SORCS2: variants seen among roughly 807,000 people sequenced by gnomAD.
The protein encoded by SORCS2 is VPS10 domain-containing receptor SorCS2.
In SORCS2, 100 loss-of-function variants were observed where a neutral mutation model predicts 141.6. The ratio of observed to expected loss-of-function variants is 0.71; its 90% CI spans 0.60 to 0.83. SORCS2 has a LOEUF of 0.83. Ranked by LOEUF, SORCS2 falls within the 40% of genes least tolerant of loss-of-function variation. The probability of loss-of-function intolerance (pLI) is 0.00; values close to 1 mark genes in which losing one functional copy is unlikely to be tolerated. For missense variants in SORCS2, 1,646 were observed against 1,560.2 expected, an observed-to-expected ratio of 1.05 and a Z score of -0.93; for synonymous variants, 789 against 676.9, an observed-to-expected ratio of 1.17 and a Z score of -2.57.
chr4:7,222,182 G>A (rs1466065606), intron 1 of SORCS2, among the ~76,000 whole-genome samples: 3 of 152,154 alleles, frequency 2.0e-5, no homozygotes, highest in Non-Finnish European at 2.9e-5. Flanking sequence ...CCAGAGAGAC[G>A]AAAACCCGTG....
At chr4:7,295,555 G>C (rs1223190637) in intron 1 of SORCS2, among the ~76,000 whole-genome samples, 1 of 152,158 alleles carries the variant, frequency 6.6e-6, no homozygotes, top group Non-Finnish European at 1.5e-5. Context: ...CCTTGCCCAG[G>C]GTCCGTGGAT....
At chr4:7,394,343 C>G (rs758509251) in intron 1 of SORCS2, among the ~76,000 whole-genome samples, 9 of 151,752 alleles carry the variant, frequency 5.9e-5, no homozygotes, top group Non-Finnish European at 8.8e-5. Flanking sequence ...AACAGTTTAT[C>G]CCTCAGCAGT....
At chr4:7,472,835 G>A (rs1032550549) in intron 2 of SORCS2, among the ~76,000 whole-genome samples, 4 of 152,004 alleles carry the variant, frequency 2.6e-5, no homozygotes, top group Non-Finnish European at 2.9e-5. Context: ...GGGCGAGGGC[G>A]GAATTAACAG....
intron 8 of SORCS2, among the ~76,000 whole-genome samples, chr4:7,675,543 G>A (rs1455046926): frequency 6.6e-6 from 1 of 152,208 alleles, no homozygotes; most frequent in Non-Finnish European, 1.5e-5. Flanking sequence ...TGCACTCAGG[G>A]CCTTTCTAGG....
intron 26 of SORCS2, among the ~76,000 whole-genome samples, chr4:7,738,110 G>A (rs139973530): frequency 1.5e-3 from 223 of 152,358 alleles, no homozygotes; most frequent in African/African-American, 3.1e-3. Flanking sequence ...GAGGGGACAC[G>A]GACTGCATCC....
In SORCS2 at chr4:7,453,958, G is replaced by T. The variant is rs987658015; in HGVS notation, c.548+57603G>T. Among the ~76,000 whole-genome samples the T allele has an allele frequency of 5.5e-5, 6 of 109,846 alleles. 1 individual carries two copies. The highest frequency in any genetic ancestry group is 9.9e-5 in the Non-Finnish European group (5 of 50,694). 72.1% of individuals were successfully genotyped at this position (109,846 alleles called of 152,430 possible). On this transcript the variant is annotated intron_variant, in intron 2 of 26. Transcript: ENST00000507866. Reference sequence around the variant, plus strand: ...TGTTGGGGTCAGGAGCTGTGTGTTGGGGTCAGGTGCTGTGTGTTGGGGTCA... The same window carrying T: ...TGTTGGGGTCAGGAGCTGTGTGTTGTGGTCAGGTGCTGTGTGTTGGGGTCA...
chr4:7,362,755 C>G (rs1721654250), intron 1 of SORCS2, among the ~76,000 whole-genome samples: 1 of 151,892 alleles, frequency 6.6e-6, no homozygotes, highest in Non-Finnish European at 1.5e-5. Flanking sequence ...ACTAACATCA[C>G]CACCTCCACC....
At chr4:7,545,741 C>T (rs1442249809) in intron 3 of SORCS2, among the ~76,000 whole-genome samples, 3 of 152,218 alleles carry the variant, frequency 2.0e-5, no homozygotes, top group Non-Finnish European at 2.9e-5. Flanking sequence ...ACCTGCCTGC[C>T]TTTCTGTGAT....
chr4:7,218,012 G>A (rs1482638244), intron 1 of SORCS2, among the ~76,000 whole-genome samples: 10 of 152,140 alleles, frequency 6.6e-5, no homozygotes, highest in Admixed American at 6.5e-4. Flanking sequence ...CTGTGGCCGG[G>A]CTTCCCCAGG....
chr4:7,471,970 T>C (rs1382959947), intron 2 of SORCS2, among the ~76,000 whole-genome samples: 1 of 152,206 alleles, frequency 6.6e-6, no homozygotes, highest in Non-Finnish European at 1.5e-5. Flanking sequence ...GGCCTCCCTC[T>C]GGAGAAAGGC....
intron 1 of SORCS2, among the ~76,000 whole-genome samples, chr4:7,218,821 C>A (rs16839840): frequency 2.6e-5 from 4 of 152,082 alleles, no homozygotes; most frequent in African/African-American, 9.7e-5. Context: ...AGTTCATGTC[C>A]GGGAAATGCT....
At chr4:7,387,542 CAT>C (rs1491124315) in intron 1 of SORCS2, among the ~76,000 whole-genome samples, 118 of 150,874 alleles carry the variant, frequency 7.8e-4, no homozygotes, top group Non-Finnish European at 1.4e-3. Flanking sequence ...CATGCACACA[CAT>C]GCACATACAC....
chr4:7,478,544 G>A (rs10937821), intron 2 of SORCS2, among the ~76,000 whole-genome samples: 39,774 of 151,946 alleles, frequency 0.26, 5,888 homozygotes, highest in Middle Eastern at 0.38. Flanking sequence ...CATGTTCTCC[G>A]CTGAGTCTCC....
intron 1 of SORCS2, among the ~76,000 whole-genome samples, chr4:7,395,081 A>G (rs1724119950): frequency 1.3e-5 from 2 of 152,368 alleles, no homozygotes; most frequent in South Asian, 2.1e-4. Context: ...TGAGCATGGC[A>G]TAGCCAATCT....
At position 7,718,165 on chromosome 4, in the gene SORCS2, T is replaced by G. The variant is rs749723175; in HGVS notation, c.2406T>G (p.Phe802Leu). The G allele has an allele frequency of 6.2e-7, 1 of 1,610,554 alleles. No homozygotes were observed. The highest frequency in any genetic ancestry group is 8.5e-7 in the Non-Finnish European group (1 of 1,179,144). The change falls in exon 18 of 27, where the codon TTT becomes TTG. Residue 802 changes from phenylalanine to leucine, a missense_variant. Physicochemically the swap from Phe to Leu is conservative, Grantham distance 22. Transcript: ENST00000507866. ...VAVRPGEDVL[F>L]VVRQEQGDVL... ...TGCGGCCTGGAGAGGACGTCCTGTT[T>G]GTGGTGCGGCAGGAGCAGGTGAGTG...
chr4:7,608,720 C>T (rs1718210940), intron 3 of SORCS2, among the ~76,000 whole-genome samples: 1 of 152,220 alleles, frequency 6.6e-6, no homozygotes, highest in African/African-American at 2.4e-5. Context: ...GTGGGCTGCC[C>T]TCCGGTCATG....
At chr4:7,674,925 G>A (rs1157396249) in intron 8 of SORCS2, among the ~76,000 whole-genome samples, 4 of 152,188 alleles carry the variant, frequency 2.6e-5, no homozygotes, top group Non-Finnish European at 4.4e-5. Context: ...CTCCGCAGGT[G>A]GGGCCAGCCG....
At chr4:7,678,562 G>A (rs1331994988) in intron 9 of SORCS2, among the ~76,000 whole-genome samples, 2 of 148,302 alleles carry the variant, frequency 1.3e-5, no homozygotes, top group Admixed American at 1.4e-4. Context: ...CCTGGGGCAG[G>A]AGTCAGGGAG....
chr4:7,337,629 T>G (rs1720069358), intron 1 of SORCS2, among the ~76,000 whole-genome samples: 1 of 152,112 alleles, frequency 6.6e-6, no homozygotes, highest in Non-Finnish European at 1.5e-5. Flanking sequence ...GAGGGTTGGA[T>G]GTTGAAGATG....
Sources: allele counts gnomAD v4.1 joint callset (sites outside exome capture counted in the v4.1 genomes callset), GRCh38; gene constraint gnomAD v4.1.1; transcripts MANE v1.5; gene names NCBI Gene and HGNC (gene_info 2026-07-23, HGNC 2026-07-21).